Variants in CNTN6 observed in about 807,000 individuals in gnomAD.
CNTN6 encodes the protein contactin-6.
In CNTN6, 137 loss-of-function variants were observed where a neutral mutation model predicts 122.8. That is an observed-to-expected ratio of 1.12 (90% CI 0.97 to 1.29). The LOEUF (loss-of-function observed/expected upper bound fraction) is 1.29, where lower values mean the gene tolerates loss of function less well. Ranked by LOEUF, CNTN6 falls within the 50% of genes most tolerant of loss-of-function variation. The pLI is 0.00. For missense variants in CNTN6, 1,634 were observed against 1,223.4 expected, an observed-to-expected ratio of 1.34 and a Z score of -5.01; for synonymous variants, 570 against 426.0, an observed-to-expected ratio of 1.34 and a Z score of -4.16.
intron 1 of CNTN6, among the ~76,000 whole-genome samples, chr3:1,094,132 A>G (rs1294419505): frequency 2.0e-5 from 3 of 152,214 alleles, no homozygotes; most frequent in Admixed American, 6.5e-5. Context: ...CATATGCTGA[A>G]TATTGAATTG....
chr3:1,268,523 C>T lies in CNTN6; in HGVS notation c.359-9890C>T, dbSNP rs985149653. Among the ~76,000 whole-genome samples, 10 of 146,840 alleles carry T rather than the reference C, an allele frequency of 6.8e-5. 1 individual carries two copies. Among genetic ancestry groups the T allele is most frequent in the African/African-American group, 1.0e-4 (4 of 39,096 alleles). On this transcript the variant is annotated intron_variant, in intron 4 of 22. Coordinates refer to ENST00000446702, the MANE Select transcript of CNTN6 (RefSeq NM_001289080.2). ...TTGGGAGGCTGAGGCAGGAGAATGGCGTGAACCCGGGAGGAGGAGCTTGCA... is the reference window on the plus strand; with the variant it reads ...TTGGGAGGCTGAGGCAGGAGAATGGTGTGAACCCGGGAGGAGGAGCTTGCA...
intron 7 of CNTN6, among the ~76,000 whole-genome samples, chr3:1,314,100 A>G (rs1319020429): frequency 6.6e-6 from 1 of 151,980 alleles, no homozygotes; most frequent in Non-Finnish European, 1.5e-5. Context: ...CATTTACACC[A>G]CTCAGAGTAA....
At chr3:1,310,654 G>A (rs551283775) in intron 7 of CNTN6, among the ~76,000 whole-genome samples, 98 of 152,224 alleles carry the variant, frequency 6.4e-4, no homozygotes, top group African/African-American at 2.3e-3. Context: ...TATTCTCTCT[G>A]CTTCCATTTT....
At chr3:1,264,529 T>C (rs1485390315) in intron 4 of CNTN6, among the ~76,000 whole-genome samples, 4 of 152,182 alleles carry the variant, frequency 2.6e-5, no homozygotes, top group Non-Finnish European at 5.9e-5. Context: ...CTGTAACCTA[T>C]AACTTAAACC....
intron 20 of CNTN6, among the ~76,000 whole-genome samples, chr3:1,390,710 A>C (rs2126221303): frequency 6.6e-6 from 1 of 152,202 alleles, no homozygotes; most frequent in East Asian, 1.9e-4. Context: ...ACAATAAAAA[A>C]TGATAAAGGG....
Position 1,119,327 on chromosome 3 carries a change from G to GTGTGTGTGTGTGTGTGTGTT in CNTN6, c.-83+26226_-83+26227insTTGTGTGTGTGTGTGTGTGT, listed in dbSNP as rs1553600510. On this transcript the variant is annotated intron_variant, in intron 1 of 22. Transcript: ENST00000446702. Reference sequence around the variant, plus strand: ...AGAAAGAATAACAGAAAAATCGTGTGTGTGTGTGTGTGTGTGTGTGTGTGT... The same window carrying GTGTGTGTGTGTGTGTGTGTT: ...AGAAAGAATAACAGAAAAATCGTGTGTGTGTGTGTGTGTGTGTGTTTGTGTGTGTGTGTGTGTGTGTGTGT... 3.8e-3 allele frequency among the ~76,000 whole-genome samples: 570 copies of GTGTGTGTGTGTGTGTGTGTT among 150,228 alleles called. 8 individuals carry two copies. Among genetic ancestry groups the GTGTGTGTGTGTGTGTGTGTT allele is most frequent in the African/African-American group, 0.013 (547 of 40,940 alleles).
Position 1,243,580 on chromosome 3 carries a change from G to A in CNTN6, c.358+15587G>A, listed in dbSNP as rs2094518391. On this transcript the variant is annotated intron_variant, in intron 4 of 22. Transcript: ENST00000446702. The stretch of plus-strand genomic sequence containing the variant: ...TAGGGCTGTAAAGTGGCTCAGGGTT[G>A]CTGCCGAGCGAGCCATGAACTGGGC... Among the ~76,000 whole-genome samples the A allele has an allele frequency of 2.6e-5, 4 of 151,844 alleles. No individual in the cohort carries two copies. In the Admixed American group the frequency reaches 2.6e-4, roughly 10 times the overall value.
chr3:1,385,009 C>A (rs1692645556), intron 19 of CNTN6, among the ~76,000 whole-genome samples: 1 of 151,848 alleles, frequency 6.6e-6, no homozygotes, highest in East Asian at 1.9e-4. Flanking sequence ...TTGTCAAATT[C>A]TTGTAGCATA....
rs1194711386 is a variant in CNTN6, at chr3:1,119,327, G to GTGTGTGTGTGTGTGTGTGTGTA, written c.-83+26228_-83+26229insATGTGTGTGTGTGTGTGTGTGT. Among the ~76,000 whole-genome samples, 30 of 150,228 alleles carry GTGTGTGTGTGTGTGTGTGTGTA rather than the reference G, an allele frequency of 2.0e-4. No homozygotes were observed. The South Asian group carries it at 6.1e-3, about 31-fold the overall frequency. On this transcript the variant is annotated intron_variant, in intron 1 of 22. Transcript: ENST00000446702. Reference sequence around the variant, plus strand: ...AGAAAGAATAACAGAAAAATCGTGTGTGTGTGTGTGTGTGTGTGTGTGTGT... The same window carrying GTGTGTGTGTGTGTGTGTGTGTA: ...AGAAAGAATAACAGAAAAATCGTGTGTGTGTGTGTGTGTGTGTGTGTATGTGTGTGTGTGTGTGTGTGTGTGT...
At chr3:1,282,693 T>C (rs1416735615) in intron 5 of CNTN6, among the ~76,000 whole-genome samples, 1 of 152,180 alleles carries the variant, frequency 6.6e-6, no homozygotes, top group Admixed American at 6.5e-5. Context: ...TCACTAAGAT[T>C]CCTGTTAAAC....
At chr3:1,159,249 G>A (rs141851183) in intron 2 of CNTN6, among the ~76,000 whole-genome samples, 1 of 151,972 alleles carries the variant, frequency 6.6e-6, no homozygotes, top group Non-Finnish European at 1.5e-5. Flanking sequence ...ACAGTCCCAA[G>A]CCCTATACGC....
intron 20 of CNTN6, among the ~76,000 whole-genome samples, chr3:1,395,237 C>G (rs1053472844): frequency 6.6e-5 from 10 of 151,960 alleles, no homozygotes; most frequent in South Asian, 2.1e-4. Context: ...AGAAGAGTAA[C>G]TTTTCTATTA....
rs1254578003 is a variant in CNTN6 at position 1,373,938 on chromosome 3, A to G, written c.1960A>G (p.Asn654Asp). 1.2e-6 allele frequency: 2 copies of G among 1,609,198 alleles called. No individual in the cohort carries two copies. The highest frequency in any genetic ancestry group is 4.5e-5 in the East Asian group (2 of 44,692). ...ATTCTTTTTAGTTCCAGAAATTCTC[A>G]ATGGTAAGACATACAATGCAACAGT... Reference protein sequence around the residue: ...QAVATVPEILNGKTYNATVVG... With the variant: ...QAVATVPEILDGKTYNATVVG... Residue 654 changes from asparagine to aspartate, a missense_variant, in exon 16 of 23, where the codon AAT (asparagine) becomes GAT (aspartate). Asn to Asp is a conservative substitution (Grantham distance 23, BLOSUM62 1). Coordinates refer to ENST00000446702, the MANE Select transcript of CNTN6 (RefSeq NM_001289080.2).
chr3:1,346,266 AG>A (rs1386061790), intron 11 of CNTN6, among the ~76,000 whole-genome samples: 1 of 152,170 alleles, frequency 6.6e-6, no homozygotes, highest in Non-Finnish European at 1.5e-5. Flanking sequence ...CATACAATGC[AG>A]GTGCTATCGT....
intron 20 of CNTN6, among the ~76,000 whole-genome samples, chr3:1,393,727 T>C (rs1694586280): frequency 6.6e-6 from 1 of 151,916 alleles, no homozygotes; most frequent in Non-Finnish European, 1.5e-5. Context: ...TCAGGTCAAC[T>C]TTTATTATAC....
At chr3:1,275,299 C>T (rs559288920) in intron 4 of CNTN6, among the ~76,000 whole-genome samples, 2 of 152,326 alleles carry the variant, frequency 1.3e-5, no homozygotes, top group Admixed American at 1.3e-4. Flanking sequence ...TGACTGTGAT[C>T]TCCATGTCCT....
chr3:1,256,532 A>G (rs1416430568), intron 4 of CNTN6, among the ~76,000 whole-genome samples: 2 of 152,170 alleles, frequency 1.3e-5, no homozygotes, highest in East Asian at 1.9e-4. Context: ...GAGGTTGGAT[A>G]TAAGGGTCTG....
At chr3:1,359,440 TG>T (rs1559916838) in intron 12 of CNTN6, among the ~76,000 whole-genome samples, 7 of 152,096 alleles carry the variant, frequency 4.6e-5, no homozygotes, top group African/African-American at 1.4e-4. Context: ...GTTTTTCACT[TG>T]TTTCTTTTAA....
intron 4 of CNTN6, among the ~76,000 whole-genome samples, chr3:1,253,377 A>G (rs960469660): frequency 4.6e-5 from 7 of 152,210 alleles, no homozygotes; most frequent in Non-Finnish European, 7.3e-5. Flanking sequence ...TTTCCATGGA[A>G]TAAATAGTTA....
Sources: allele counts gnomAD v4.1 joint callset (sites outside exome capture counted in the v4.1 genomes callset), GRCh38; gene constraint gnomAD v4.1.1; transcripts MANE v1.5; gene names NCBI Gene and HGNC (gene_info 2026-07-23, HGNC 2026-07-21).